Variants in U2AF1L4 observed in about 807,000 individuals in gnomAD.
The protein encoded by U2AF1L4 is U2 small nuclear RNA auxiliary factor 1 like 4.
In U2AF1L4, 21 loss-of-function variants were observed where a neutral mutation model predicts 21.7. The ratio of observed to expected loss-of-function variants is 0.97; its 90% CI spans 0.69 to 1.39. The LOEUF (loss-of-function observed/expected upper bound fraction) is 1.39, where lower values mean the gene tolerates loss of function less well. U2AF1L4 is among the 40% of genes most tolerant of loss of function. The pLI, the probability that U2AF1L4 is intolerant of heterozygous loss-of-function variation, is 0.00. For missense variants in U2AF1L4, 259 were observed against 245.7 expected, an observed-to-expected ratio of 1.05 and a Z score of -0.36; for synonymous variants, 92 against 89.7, an observed-to-expected ratio of 1.03 and a Z score of -0.15.
At chr19:35,743,972 TG>T in intron 4 of U2AF1L4, 39 bp downstream of exon 4, 2 of 1,609,598 alleles carry the variant, frequency 1.2e-6, no homozygotes, top group Non-Finnish European at 1.7e-6. Context: ...ATTCAAAGTC[TG>T]GGATTCCAAG....
At chr19:35,745,324 T>A in intron 1 of U2AF1L4, 24 bp downstream of exon 1, 6 of 1,577,952 alleles carry the variant, frequency 3.8e-6, no homozygotes, top group Non-Finnish European at 5.2e-6. Context: ...CCCCCGAGAG[T>A]CCACTCCCAG....
At chr19:35,743,204 C>T (rs1390360370) in intron 5 of U2AF1L4, 1 of 297,420 alleles carries the variant, frequency 3.4e-6, no homozygotes, top group Admixed American at 5.2e-5. Flanking sequence ...GAAACCCCAT[C>T]TCTACTAAAA....
rs779255380 is a variant in U2AF1L4, at chr19:35,745,075, G to A, written c.132+50C>T. ...GACATGGTGACGACGGCCCCAGAAGGGGAAGGGCCAGGGAGCCGTTAACCC... is the reference window on the plus strand; with the variant it reads ...GACATGGTGACGACGGCCCCAGAAGAGGAAGGGCCAGGGAGCCGTTAACCC... On this transcript the variant is annotated intron_variant, in intron 2 of 5. Coordinates refer to ENST00000378975, the MANE Select transcript of U2AF1L4 (RefSeq NM_001040425.3). 8.3e-6 allele frequency: 13 copies of A among 1,565,960 alleles called. No homozygotes were observed. The African/African-American group carries it at 1.5e-4, about 18-fold the overall frequency.
At position 35,743,792 on chromosome 19, in the gene U2AF1L4, G is replaced by T; in HGVS notation, c.461+17C>A. On this transcript the variant is annotated intron_variant, in intron 5 of 5. Coordinates refer to ENST00000378975, the MANE Select transcript of U2AF1L4 (RefSeq NM_001040425.3). ...CCTTAGGACATGAGGAGACATAGCA[G>T]GCTGGTCCTGAGGTACCTGCGCCTG... The T allele has an allele frequency of 6.2e-7, 1 of 1,600,800 alleles. No individual in the cohort carries two copies. The highest frequency in any genetic ancestry group is 8.5e-7 in the Non-Finnish European group (1 of 1,173,090).
At chr19:35,743,608 A>C (rs1599726187) in intron 5 of U2AF1L4, 1 of 598,648 alleles carries the variant, frequency 1.7e-6, no homozygotes, top group Non-Finnish European at 2.9e-6. Flanking sequence ...AATTGCTTGA[A>C]CCCGGGAGGC....
chr19:35,742,671 C>T lies in U2AF1L4; in HGVS notation c.*48G>A. Reference sequence around the variant, plus strand: ...AGGGGGCTTTGAGGAGAGGTCCTGCCAGGAACATCTGTCCCTGTTGGGGGT... The same window carrying T: ...AGGGGGCTTTGAGGAGAGGTCCTGCTAGGAACATCTGTCCCTGTTGGGGGT... On this transcript the variant is annotated 3_prime_UTR_variant, in exon 6 of 6. Coordinates refer to ENST00000378975, the MANE Select transcript of U2AF1L4 (RefSeq NM_001040425.3). 1 of 1,612,878 alleles carries T rather than the reference C, an allele frequency of 6.2e-7. No homozygotes were observed. The highest frequency in any genetic ancestry group is 8.5e-7 in the Non-Finnish European group (1 of 1,179,774).
Position 35,745,223 on chromosome 19 carries a change from T to A in U2AF1L4, c.45-11A>T. ...AAAGAGCAGTTAACCCTGGAAAAGG[T>A]GCAAAGACAAAGGTGAACCGAGGGC... On this transcript the variant is annotated splice_polypyrimidine_tract_variant and intron_variant, in intron 1 of 5. Transcript: ENST00000378975. The A allele has an allele frequency of 6.2e-7, 1 of 1,612,848 alleles. No individual in the cohort carries two copies. Among genetic ancestry groups the A allele is most frequent in the Non-Finnish European group, 8.5e-7 (1 of 1,179,632 alleles).
chr19:35,743,772 G>C (rs753708213), intron 5 of U2AF1L4, 37 bp downstream of exon 5: 2 of 1,567,978 alleles, frequency 1.3e-6, no homozygotes, highest in African/African-American at 1.4e-5. Flanking sequence ...AGGGGCCTTA[G>C]GACATGAGGA....
Position 35,744,022 on chromosome 19 carries a change from A to G in U2AF1L4, c.355T>C (p.Tyr119His), listed in dbSNP as rs772552876. The G allele has an allele frequency of 6.2e-7, 1 of 1,613,882 alleles. No individual in the cohort carries two copies. Among genetic ancestry groups the G allele is most frequent in the South Asian group, 1.1e-5 (1 of 91,068 alleles). Residue 119 changes from tyrosine to histidine, a missense_variant, in exon 4 of 6, where the codon TAT (tyrosine) becomes CAT (histidine). Coordinates refer to ENST00000378975, the MANE Select transcript of U2AF1L4 (RefSeq NM_001040425.3). ...CTTGAACTACCATACCCCATCTCATACTGGCGACAGCATGACTCCCGGAAG... is the reference window on the plus strand; with the variant it reads ...CTTGAACTACCATACCCCATCTCATGCTGGCGACAGCATGACTCCCGGAAG... The part of the protein sequence containing the change: ...TDFRESCCRQ[Y>H]EMGECTRGGF...
Position 35,744,325 on chromosome 19 carries a change from T to C in U2AF1L4, c.229A>G (p.Lys77Glu), listed in dbSNP as rs796512777. Reference sequence around the variant, plus strand: ...CCTAAGTGGGGGGCAGCAAGCACCTTGACATAGACGTTGCCCACGAGGTGG... The same window carrying C: ...CCTAAGTGGGGGGCAGCAAGCACCTCGACATAGACGTTGCCCACGAGGTGG... ...GDHLVGNVYV[K>E]FRREEDGERA... The change falls in exon 3 of 6, where the codon AAG becomes GAG. Residue 77 changes from lysine to glutamate, a missense_variant and splice_region_variant. Lys to Glu is a moderately conservative substitution (Grantham distance 56). Transcript: ENST00000378975. 4.3e-6 allele frequency: 7 copies of C among 1,613,958 alleles called. No homozygotes were observed. The South Asian group carries it at 6.6e-5, about 15-fold the overall frequency.
At position 35,744,827 on chromosome 19, in the gene U2AF1L4, C is replaced by T. The variant is rs547683583; in HGVS notation, c.132+298G>A. Reference sequence around the variant, plus strand: ...CATGAGTGCATCGGCGATCCTTTGCCCCTAAGAAACCAGAAAAGGGATGGA... The same window carrying T: ...CATGAGTGCATCGGCGATCCTTTGCTCCTAAGAAACCAGAAAAGGGATGGA... On this transcript the variant is annotated intron_variant, in intron 2 of 5. Coordinates refer to ENST00000378975, the MANE Select transcript of U2AF1L4 (RefSeq NM_001040425.3). 6 of 1,056,580 alleles carry T rather than the reference C, an allele frequency of 5.7e-6. No individual in the cohort carries two copies. In the African/African-American group the frequency reaches 6.3e-5, roughly 11 times the overall value. 65.5% of individuals were successfully genotyped at this position (1,056,580 alleles called of 1,614,324 possible).
chr19:35,745,314 C>A (rs779433902), intron 1 of U2AF1L4, 34 bp downstream of exon 1: 335 of 1,600,476 alleles, frequency 2.1e-4, no homozygotes, highest in Non-Finnish European at 2.8e-4. Flanking sequence ...CGGCCCCGAC[C>A]CCCCGAGAGT....
rs893196508 is a variant in U2AF1L4 at position 35,744,140 on chromosome 19, C to G, written c.237G>C (p.Arg79=). 1.9e-6 allele frequency: 3 copies of G among 1,613,754 alleles called. No individual in the cohort carries two copies. Among genetic ancestry groups the G allele is most frequent in the Non-Finnish European group, 2.5e-6 (3 of 1,179,866 alleles). The stretch of plus-strand genomic sequence containing the variant: ...CGGCCCGCTCTCCATCCTCCTCCCT[C>G]CGGAACTGCAGGAAATGTCAGTCAG... The part of the protein sequence containing the change: ...HLVGNVYVKF[R]REEDGERAVA... The change falls in exon 4 of 6, where the codon CGG becomes CGC. Residue 79 remains arginine, a synonymous_variant. Coordinates refer to ENST00000378975, the MANE Select transcript of U2AF1L4 (RefSeq NM_001040425.3).
intron 2 of U2AF1L4, 139 bp from the exon 3 acceptor site, chr19:35,744,560 G>C: frequency 6.4e-7 from 1 of 1,562,860 alleles, no homozygotes; most frequent in Non-Finnish European, 8.6e-7. Flanking sequence ...GGGCGGGCAG[G>C]GTGGAATCAG....
chr19:35,744,574 G>A (rs758325946), intron 2 of U2AF1L4, 153 bp from the exon 3 acceptor site: 5 of 1,549,286 alleles, frequency 3.2e-6, no homozygotes, highest in Admixed American at 1.9e-5. Flanking sequence ...GAATCAGAGT[G>A]TAGCCTACTG....
chr19:35,743,935 C>G (rs1200966877), intron 4 of U2AF1L4, 31 bp from the exon 5 acceptor site: 3 of 1,609,476 alleles, frequency 1.9e-6, no homozygotes. Flanking sequence ...TGGAGGAAGC[C>G]ATTGTCACTG....
intron 2 of U2AF1L4, chr19:35,744,779 A>C (rs1221625259): frequency 6.9e-7 from 1 of 1,454,266 alleles, no homozygotes; most frequent in East Asian, 2.5e-5. Context: ...TGGGGGTGGA[A>C]CCTTACACCC....
Position 35,742,776 on chromosome 19 carries a change from G to A in U2AF1L4, c.489C>T (p.His163=), listed in dbSNP as rs990287438. 9.3e-6 allele frequency: 15 copies of A among 1,610,702 alleles called. No individual in the cohort carries two copies. The African/African-American group carries it at 1.2e-4, about 13-fold the overall frequency. The change falls in exon 6 of 6, where the codon CAC becomes CAT. Residue 163 remains histidine (H), a synonymous_variant. Transcript: ENST00000378975. The part of the protein sequence containing the change: ...RRSPPRFHTG[H]HPRERNHRCS... ...ACCGATGGTTCCTCTCTCGGGGATG[G>A]TGGCCAGTATGGAACCTCGGGGGTG... is the stretch of plus-strand genomic sequence containing the variant.
Position 35,743,877 on chromosome 19 carries a change from G to A in U2AF1L4, c.393C>T (p.Asn131=), listed in dbSNP as rs1207702321. 3 of 1,613,704 alleles carry A rather than the reference G, an allele frequency of 1.9e-6. No individual in the cohort carries two copies. Among genetic ancestry groups the A allele is most frequent in the Non-Finnish European group, 1.7e-6 (2 of 1,179,862 alleles). ...GGGAAATGGGCCGCAGATGCATGAA[G>A]TTGCAGAAGCCACCTCGGGTACATT... The part of the protein sequence containing the change: ...MGECTRGGFC[N]FMHLRPISQN... Residue 131 remains asparagine, a synonymous_variant, in exon 5 of 6, where the codon AAC becomes AAT. Transcript: ENST00000378975.
Sources: allele counts gnomAD v4.1 joint callset, GRCh38; gene constraint gnomAD v4.1.1; transcripts MANE v1.5; gene names NCBI Gene and HGNC (gene_info 2026-07-23, HGNC 2026-07-21).